Variants in ZNF117 observed in about 807,000 individuals in gnomAD.
The protein encoded by ZNF117 is zinc finger protein 117, also known as Krueppel-related zinc finger protein.
A neutral mutation model predicts 41.2 loss-of-function variants in ZNF117; 37 were observed. The ratio of observed to expected loss-of-function variants is 0.90; its 90% CI spans 0.69 to 1.18. The LOEUF is 1.18. Ranked by LOEUF, ZNF117 falls within the 50% of genes most tolerant of loss-of-function variation. ZNF117 has a pLI of 0.00. For synonymous variants in ZNF117, 186 were observed against 186.6 expected (o/e 1.00, Z 0.02); for missense variants, 546 against 557.5 (o/e 0.98, Z 0.21).
intron 1 of ZNF117, among the ~76,000 whole-genome samples, chr7:64,988,888 G>A (rs1351613819): frequency 6.6e-6 from 1 of 151,888 alleles, no homozygotes; most frequent in Non-Finnish European, 1.5e-5. Flanking sequence ...AGCTAACCAG[G>A]GAGGTGAAAG....
upstream of ZNF117, among the ~76,000 whole-genome samples, chr7:64,984,693 G>A (rs537268434): frequency 2.0e-5 from 3 of 152,108 alleles, no homozygotes; most frequent in Admixed American, 6.5e-5. Flanking sequence ...TATAAATAAT[G>A]TACTAGTCAT....
chr7:64,991,021 G>A, exon 1 of ZNF117: 1 of 488,644 alleles, frequency 2.0e-6, no homozygotes, highest in East Asian at 3.1e-5. Context: ...TTAATACTTA[G>A]TTAGGGCCAT....
At chr7:64,978,437 T>C in exon 3 of ZNF117, 3 of 1,613,706 alleles carry the variant, frequency 1.9e-6, no homozygotes. Context: ...TTATCTTATG[T>C]GTATTAAGGG....
intron 2 of ZNF117, 137 bp downstream of exon 3, chr7:64,981,250 A>G: frequency 9.0e-7 from 1 of 1,105,970 alleles, no homozygotes; most frequent in Non-Finnish European, 1.3e-6. Flanking sequence ...TATGTGAGAG[A>G]AAAATAAAAA....
exon 3 of ZNF117, chr7:64,976,874 A>T (rs746136432): frequency 2.1e-6 from 1 of 476,948 alleles, no homozygotes; most frequent in South Asian, 1.5e-5. Context: ...AGTTACAAGC[A>T]TTGCCACATT....
At chr7:64,979,479 A>C (rs776993231) in exon 3 of ZNF117, 2 of 1,590,354 alleles carry the variant, frequency 1.3e-6, no homozygotes, top group South Asian at 2.3e-5. Flanking sequence ...CACTTTCTGG[A>C]AAGAATCTCT....
At chr7:64,976,141 C>T (rs1785880351) in exon 3 of ZNF117, 1 of 152,102 alleles carries the variant, frequency 6.6e-6, no homozygotes. Context: ...AAACCTTCTT[C>T]TCTTTAAAGG....
exon 3 of ZNF117, chr7:64,977,412 G>A (rs780840106): frequency 3.2e-5 from 14 of 432,036 alleles, no homozygotes; most frequent in African/African-American, 4.1e-5. Context: ...TTTCTCTCCT[G>A]TATGAATTTT....
At position 64,981,369 on chromosome 7, in the gene ZNF117, G is replaced by A; in HGVS notation, c.34+18C>T. ...TTGACCTCTTCTCTGTGCCATCTGTGTATTCACTCTCACTTACCTAAATGT... is the reference window on the plus strand; with the variant it reads ...TTGACCTCTTCTCTGTGCCATCTGTATATTCACTCTCACTTACCTAAATGT... On this transcript the variant is annotated intron_variant, in intron 2 of 2. Transcript: ENST00000620222. The A allele has an allele frequency of 6.2e-7, 1 of 1,612,690 alleles. No homozygotes were observed.
chr7:64,982,914 G>A (rs527303220), upstream of ZNF117, among the ~76,000 whole-genome samples: 37 of 152,324 alleles, frequency 2.4e-4, 1 homozygote, highest in South Asian at 6.8e-3. Flanking sequence ...GTAATGTGCT[G>A]ATGCACACAG....
chr7:64,974,646 A>G (rs1785841185), exon 3 of ZNF117: 1 of 151,942 alleles, frequency 6.6e-6, no homozygotes, highest in Non-Finnish European at 1.5e-5. Flanking sequence ...AAATTCTGTT[A>G]TGTTTGCAGG....
In ZNF117 at chr7:64,981,982, A is replaced by G; in HGVS notation, c.-63+2T>C. On this transcript the variant is annotated splice_donor_variant, in intron 1 of 2. Transcript: ENST00000620222. LOFTEE classifies it low-confidence loss of function (5UTR_SPLICE). Reference sequence around the variant, plus strand: ...ATATTAGAAAATGTGTATTGAAGTTACCTTCACCCAAGAAAACCAGGTTTC... The same window carrying G: ...ATATTAGAAAATGTGTATTGAAGTTGCCTTCACCCAAGAAAACCAGGTTTC... The G allele has an allele frequency of 1.6e-6, 1 of 625,234 alleles. No individual in the cohort carries two copies. Among genetic ancestry groups the G allele is most frequent in the Non-Finnish European group, 2.9e-6 (1 of 349,800 alleles). 38.7% of individuals were successfully genotyped at this position (625,234 alleles called of 1,614,324 possible). A position where few individuals can be genotyped will look rare whatever the true frequency, so the allele number is the denominator to read the frequency against.
chr7:64,978,435 T>C (rs748728732), exon 3 of ZNF117: 4 of 1,613,630 alleles, frequency 2.5e-6, no homozygotes, highest in African/African-American at 2.7e-5. Context: ...GATTATCTTA[T>C]GTGTATTAAG....
At chr7:64,974,323 T>C (rs770883865), downstream of ZNF117, 5 of 151,830 alleles carry the variant, frequency 3.3e-5, no homozygotes, top group Non-Finnish European at 7.4e-5. Flanking sequence ...AAGAAAATTA[T>C]AGGTCTAGCA....
chr7:64,976,980 G>T (rs1785901597), exon 3 of ZNF117: 1 of 534,204 alleles, frequency 1.9e-6, no homozygotes, highest in Non-Finnish European at 3.8e-6. Flanking sequence ...ACATTTGTAG[G>T]GTTTCTCTCC....
chr7:64,981,677 C>G (rs569575015), intron 1 of ZNF117, among the ~76,000 whole-genome samples, 195 bp from the exon 3 acceptor site: 1 of 151,944 alleles, frequency 6.6e-6, no homozygotes, highest in Non-Finnish European at 1.5e-5. Context: ...CCTGGTACTA[C>G]TGAATCAAAA....
chr7:64,978,971 T>C (rs1785962461), exon 3 of ZNF117: 1 of 1,613,406 alleles, frequency 6.2e-7, no homozygotes, highest in African/African-American at 1.3e-5. Context: ...GGTTAAAGGC[T>C]TTGCCACATT....
exon 3 of ZNF117, chr7:64,977,385 T>A: frequency 2.4e-6 from 1 of 417,332 alleles, no homozygotes; most frequent in Admixed American, 3.2e-5. Flanking sequence ...TTTAGCACAT[T>A]TTTCACATTT....
At chr7:64,977,305 C>T (rs920778389) in exon 3 of ZNF117, 24 of 418,528 alleles carry the variant, frequency 5.7e-5, no homozygotes, top group African/African-American at 4.6e-4. Context: ...CCACATTCTT[C>T]ACATTTGTAG....
Sources: allele counts gnomAD v4.1 joint callset (sites outside exome capture counted in the v4.1 genomes callset), GRCh38; gene constraint gnomAD v4.1.1; transcripts MANE v1.5; gene names NCBI Gene and HGNC (gene_info 2026-07-23, HGNC 2026-07-21).